RANBP3: variants seen among roughly 807,000 people sequenced by gnomAD.
RANBP3 encodes the protein ran-binding protein 3.
In RANBP3, 14 loss-of-function variants were observed where a neutral mutation model predicts 77.3. The observed-to-expected ratio is 0.18, with a 90% CI of 0.12 to 0.28. The LOEUF (loss-of-function observed/expected upper bound fraction) is 0.28, where lower values mean the gene tolerates loss of function less well. RANBP3 is among the 10% of genes least tolerant of loss of function. The pLI, the probability that RANBP3 is intolerant of heterozygous loss-of-function variation, is 1.00. For missense variants in RANBP3, 586 were observed against 752.3 expected (o/e 0.78, Z 2.59); for synonymous variants, 315 against 312.4 (o/e 1.01, Z -0.09).
At chr19:5,957,059 C>T (rs927515578) in intron 2 of RANBP3, among the ~76,000 whole-genome samples, 4 of 150,858 alleles carry the variant, frequency 2.7e-5, no homozygotes, top group African/African-American at 7.3e-5. Flanking sequence ...ACTGTTGCAG[C>T]GGGTATGAGG....
At chr19:5,975,184 C>A (rs148087633) in intron 1 of RANBP3, among the ~76,000 whole-genome samples, 1 of 152,320 alleles carries the variant, frequency 6.6e-6, no homozygotes, top group Non-Finnish European at 1.5e-5. Context: ...AAGAAACACA[C>A]AATGACTGAT....
intron 8 of RANBP3, among the ~76,000 whole-genome samples, chr19:5,930,595 G>T (rs2145078061): frequency 6.6e-6 from 1 of 152,240 alleles, no homozygotes; most frequent in African/African-American, 2.4e-5. Flanking sequence ...TTAAGGCAGG[G>T]TCTGGCTCTG....
In RANBP3 at chr19:5,917,838, CTGTCGT is replaced by C; in HGVS notation, c.1610_1615del (p.Asp537_Ser539delinsGly). The C allele has an allele frequency of 6.2e-7, 1 of 1,612,806 alleles. No homozygotes were observed. Among genetic ancestry groups the C allele is most frequent in the Non-Finnish European group, 8.5e-7 (1 of 1,179,852 alleles). On this transcript the variant is annotated inframe_deletion, in exon 16 of 17. Coordinates refer to ENST00000340578, the MANE Select transcript of RANBP3 (RefSeq NM_007322.3). ...AGGAGCCAGGACATCGTCATCGTCG[CTGTCGT>C]CCTCCTCGTTGGATGGGGCTGCCCC...
At chr19:5,969,405 A>C (rs1447886639) in intron 1 of RANBP3, among the ~76,000 whole-genome samples, 2 of 152,196 alleles carry the variant, frequency 1.3e-5, no homozygotes, top group Non-Finnish European at 2.9e-5. Flanking sequence ...TAAGTTCCCA[A>C]AATTCTCTGT....
In RANBP3 at chr19:5,951,374, C is replaced by T. The variant is rs1351934102; in HGVS notation, c.282+19G>A. 3.2e-6 allele frequency: 5 copies of T among 1,547,374 alleles called. No individual in the cohort carries two copies. Among genetic ancestry groups the T allele is most frequent in the Admixed American group, 2.0e-5 (1 of 51,016 alleles). ...GGCTCCCCCTGGGCGGTAGGAGTGC[C>T]GGGTAGGTGTGGACTTACCCCTGCC... On this transcript the variant is annotated intron_variant, in intron 3 of 16. Transcript: ENST00000340578.
chr19:5,962,656 T>C (rs1307728759), intron 1 of RANBP3: 5 of 456,016 alleles, frequency 1.1e-5, no homozygotes, highest in Admixed American at 4.7e-5. Context: ...CTGGCATTCA[T>C]GACTGACCCA....
At chr19:5,938,964 C>G (rs2058099652) in intron 5 of RANBP3, among the ~76,000 whole-genome samples, 1 of 152,106 alleles carries the variant, frequency 6.6e-6, no homozygotes, top group Non-Finnish European at 1.5e-5. Context: ...ACAGGTGCAT[C>G]ACCTGAGGTC....
intron 2 of RANBP3, among the ~76,000 whole-genome samples, chr19:5,953,947 T>C (rs552559017): frequency 6.2e-4 from 95 of 152,302 alleles, no homozygotes; most frequent in African/African-American, 2.2e-3. Context: ...GGCTAAGTGA[T>C]GCCACCGGCA....
In RANBP3 at chr19:5,925,156, C is replaced by T. The variant is rs887582042; in HGVS notation, c.918-251G>A. ...AGCCACCTTCCACCTGCTCTACCCGCCCATCTCCCAGTCGGGACACGCTTT... is the reference window on the plus strand; with the variant it reads ...AGCCACCTTCCACCTGCTCTACCCGTCCATCTCCCAGTCGGGACACGCTTT... On this transcript the variant is annotated intron_variant, in intron 10 of 16. Transcript: ENST00000340578. 4 of 543,732 alleles carry T rather than the reference C, an allele frequency of 7.4e-6. 1 individual carries two copies. Among genetic ancestry groups the T allele is most frequent in the Admixed American group, 3.2e-5 (1 of 31,642 alleles). The allele number at this position is 543,732 out of a possible 1,614,324, so 33.7% of individuals were successfully genotyped here.
In RANBP3 at chr19:5,931,458, G is replaced by T. The variant is rs2057989593; in HGVS notation, c.639C>A (p.Asp213Glu). The T allele has an allele frequency of 6.2e-7, 1 of 1,613,002 alleles. No individual in the cohort carries two copies. Among genetic ancestry groups the T allele is most frequent in the South Asian group, 1.1e-5 (1 of 91,038 alleles). The change falls in exon 8 of 17, where the codon GAC (aspartate) becomes GAA (glutamate). Residue 213 changes from aspartate (D) to glutamate (E), a missense_variant. Asp to Glu is a conservative substitution (Grantham distance 45, BLOSUM62 2). Around this residue, in one of 5 missense-constraint regions of RANBP3, gnomAD observed 232 missense variants for 271.7 expected, o/e 0.85. Coordinates refer to ENST00000340578, the MANE Select transcript of RANBP3 (RefSeq NM_007322.3). ...CTGAVPAASP[D>E]TAAWRSPSEA... ...CGGAAGGACTTCTCCATGCAGCAGTGTCAGGGGATGCTGCGGGCACTGCCC... is the reference window on the plus strand; with the variant it reads ...CGGAAGGACTTCTCCATGCAGCAGTTTCAGGGGATGCTGCGGGCACTGCCC...
At chr19:5,948,217 G>A (rs2058231632) in intron 3 of RANBP3, among the ~76,000 whole-genome samples, 1 of 152,088 alleles carries the variant, frequency 6.6e-6, no homozygotes, top group African/African-American at 2.4e-5. Context: ...TTGGGAGGCC[G>A]AGGTCGGCGG....
chr19:5,950,004 TG>T (rs369220045), intron 3 of RANBP3, among the ~76,000 whole-genome samples: 4 of 152,096 alleles, frequency 2.6e-5, no homozygotes, highest in Non-Finnish European at 5.9e-5. Context: ...AGAAGGCCTC[TG>T]GGGGGGACCC....
intron 3 of RANBP3, among the ~76,000 whole-genome samples, chr19:5,945,557 C>G (rs7252993): frequency 0.69 from 104,872 of 151,978 alleles, 36,355 homozygotes; most frequent in Admixed American, 0.78. Context: ...GTTAGGTCTG[C>G]TTGGTTTTTG....
chr19:5,917,751 C>A, intron 16 of RANBP3, 43 bp downstream of exon 16: 1 of 1,586,304 alleles, frequency 6.3e-7, no homozygotes, highest in Non-Finnish European at 8.6e-7. Flanking sequence ...GGATGGCGGG[C>A]AGCTCTTTCT....
Position 5,923,857 on chromosome 19 carries a change from C to T in RANBP3, c.1054G>A (p.Glu352Lys), listed in dbSNP as rs756692720. The T allele has an allele frequency of 1.1e-5, 17 of 1,614,042 alleles. No homozygotes were observed. Among genetic ancestry groups the T allele is most frequent in the Admixed American group, 3.3e-5 (2 of 59,996 alleles). The change falls in exon 12 of 17, where the codon GAG becomes AAG. Residue 352 changes from glutamate to lysine, a missense_variant. Coordinates refer to ENST00000340578, the MANE Select transcript of RANBP3 (RefSeq NM_007322.3). Reference protein sequence around the residue: ...SDANRENAAAESGSESSSQEA... With the variant: ...SDANRENAAAKSGSESSSQEA... ...TGGGACGAGGACTCAGACCCTGACTCGGCAGCTGCATTTTCCCTGTTGGCA... is the reference window on the plus strand; with the variant it reads ...TGGGACGAGGACTCAGACCCTGACTTGGCAGCTGCATTTTCCCTGTTGGCA...
At chr19:5,962,802 C>T (rs2058420372) in intron 1 of RANBP3, 1 of 454,660 alleles carries the variant, frequency 2.2e-6, no homozygotes, top group Non-Finnish European at 4.4e-6. Flanking sequence ...CGCAAACAGA[C>T]AAGACACACA....
Position 5,951,403 on chromosome 19 carries a change from T to G in RANBP3, c.272A>C (p.Glu91Ala). The change falls in exon 3 of 17, where the codon GAA (glutamate) becomes GCA (alanine). Residue 91 changes from glutamate to alanine, a missense_variant. Glu to Ala is a moderately radical substitution (Grantham distance 107, BLOSUM62 -1). Around this residue, in one of 5 missense-constraint regions of RANBP3, gnomAD observed 172 missense variants for 183.4 expected, o/e 0.94. Transcript: ENST00000340578. ...PEAQLPPFPR[E>A]LAGRSAGGSS... Reference sequence around the variant, plus strand: ...TAGGTGTGGACTTACCCCTGCCAGTTCTCGCGGAAAAGGAGGAAGCTGGGC... The same window carrying G: ...TAGGTGTGGACTTACCCCTGCCAGTGCTCGCGGAAAAGGAGGAAGCTGGGC... The G allele has an allele frequency of 1.3e-6, 2 of 1,558,194 alleles. No homozygotes were observed. The highest frequency in any genetic ancestry group is 1.7e-6 in the Non-Finnish European group (2 of 1,150,356).
intron 14 of RANBP3, among the ~76,000 whole-genome samples, chr19:5,919,901 CAAAA>C (rs5826910): frequency 7.7e-6 from 1 of 129,960 alleles, no homozygotes; most frequent in Non-Finnish European, 1.6e-5. Flanking sequence ...AACTCCGTCT[CAAAA>C]AAAAAAAAAA....
At chr19:5,976,503 T>C (rs1208906127) in intron 1 of RANBP3, 2 of 152,094 alleles carry the variant, frequency 1.3e-5, no homozygotes, top group East Asian at 3.9e-4. Context: ...CCCAGCACTT[T>C]GGGAGGCCGA....
Sources: gnomAD v4.1 joint callset for allele counts (sites outside exome capture counted in the v4.1 genomes callset) on GRCh38, gnomAD v4.1.1 for gene constraint, gnomAD v4.1.1 regional missense constraint, MANE v1.5 for transcripts, NCBI Gene and HGNC (gene_info 2026-07-23, HGNC 2026-07-21) for gene names.